Variants in CHSY1 observed in about 807,000 individuals in gnomAD.
CHSY1 encodes the protein N-acetylgalactosaminyl-proteoglycan 3-beta-glucuronosyltransferase 1.
Under a neutral mutation model 59.8 loss-of-function variants are expected in CHSY1, and 13 were observed. The observed-to-expected ratio is 0.22, with a 90% CI of 0.14 to 0.35. The LOEUF (loss-of-function observed/expected upper bound fraction) is 0.35, where lower values mean the gene tolerates loss of function less well. Ranked by LOEUF, CHSY1 falls within the 10% of genes least tolerant of loss-of-function variation. The pLI is 1.00. For missense variants in CHSY1, 947 were observed against 1,030.6 expected (o/e 0.92, Z 1.11); for synonymous variants, 459 against 401.2 (o/e 1.14, Z -1.72).
intron 1 of CHSY1, among the ~76,000 whole-genome samples, chr15:101,245,093 G>T (rs142146471): frequency 6.6e-6 from 1 of 152,240 alleles, no homozygotes; most frequent in East Asian, 1.9e-4. Flanking sequence ...CAGCAACACC[G>T]CTGGGCTGAT....
intron 2 of CHSY1, among the ~76,000 whole-genome samples, chr15:101,193,828 G>A (rs1435700641): frequency 6.6e-6 from 1 of 152,172 alleles, no homozygotes; most frequent in South Asian, 2.1e-4. Context: ...GCATCTTCAC[G>A]CTCCTTCCTT....
chr15:101,193,222 A>C (rs569981729), intron 2 of CHSY1, among the ~76,000 whole-genome samples: 4 of 152,238 alleles, frequency 2.6e-5, no homozygotes, highest in African/African-American at 7.2e-5. Flanking sequence ...AGCAGGCAAC[A>C]AACAAGGAGT....
Position 101,243,841 on chromosome 15 carries a change from C to T in CHSY1, c.320+7296G>A, listed in dbSNP as rs559555305. Among the ~76,000 whole-genome samples the T allele has an allele frequency of 2.6e-5, 4 of 152,306 alleles. No individual in the cohort carries two copies. The East Asian group carries it at 5.8e-4, about 22-fold the overall frequency. On this transcript the variant is annotated intron_variant, in intron 1 of 2. Transcript: ENST00000254190. ...CACATTCTGTGTCTGGATCCGTGTG[C>T]GCCTCTAAATTGTGCCCAATTACCT...
rs546349346 is a variant in CHSY1, at chr15:101,235,250, C to G, written c.648G>C (p.Glu216Asp). 2 of 1,614,198 alleles carry G rather than the reference C, an allele frequency of 1.2e-6. No individual in the cohort carries two copies. Among genetic ancestry groups the G allele is most frequent in the African/African-American group, 2.7e-5 (2 of 75,036 alleles). Reference sequence around the variant, plus strand: ...CGCCAGGCCCCCCCATGCAGAAGTTCTCACCAGGCTCCAGGGCCAGTTTTC... The same window carrying G: ...CGCCAGGCCCCCCCATGCAGAAGTTGTCACCAGGCTCCAGGGCCAGTTTTC... ...EMGKLALEPG[E>D]NFCMGGPGVI... The change falls in exon 2 of 3, where the codon GAG becomes GAC. Residue 216 changes from glutamate to aspartate, a missense_variant. Glu to Asp is a conservative substitution (Grantham distance 45). Around this residue, in one of 4 missense-constraint regions of CHSY1, gnomAD observed 108 missense variants for 144.4 expected, o/e 0.75. Coordinates refer to ENST00000254190, the MANE Select transcript of CHSY1 (RefSeq NM_014918.5).
chr15:101,199,880 G>A (rs902007967), intron 2 of CHSY1, among the ~76,000 whole-genome samples: 4 of 152,092 alleles, frequency 2.6e-5, no homozygotes, highest in Non-Finnish European at 4.4e-5. Context: ...CCAAAACCAC[G>A]AACAGCAGCG....
chr15:101,250,599 G>C (rs974905118), intron 1 of CHSY1, among the ~76,000 whole-genome samples: 2 of 152,220 alleles, frequency 1.3e-5, no homozygotes, highest in African/African-American at 4.8e-5. Context: ...TCAACAGACT[G>C]GTGTGGTCCA....
intron 1 of CHSY1, among the ~76,000 whole-genome samples, chr15:101,236,142 C>T (rs914978372): frequency 6.6e-6 from 1 of 152,132 alleles, no homozygotes; most frequent in Non-Finnish European, 1.5e-5. Flanking sequence ...AGGACATGAG[C>T]TGAACCAACA....
chr15:101,178,945 G>A lies in CHSY1; in HGVS notation c.852C>T (p.Asn284=). ...QQLFYENYEQ[N]KKGYIRDLHN... Reference sequence around the variant, plus strand: ...GGAGATCTCTAATGTACCCCTTTTTGTTCTGCTCGTAATTCTCATAAAAAA... The same window carrying A: ...GGAGATCTCTAATGTACCCCTTTTTATTCTGCTCGTAATTCTCATAAAAAA... Residue 284 remains asparagine, a synonymous_variant, in exon 3 of 3, where the codon AAC becomes AAT. Coordinates refer to ENST00000254190, the MANE Select transcript of CHSY1 (RefSeq NM_014918.5). 4 of 1,613,774 alleles carry A rather than the reference G, an allele frequency of 2.5e-6. No individual in the cohort carries two copies. The highest frequency in any genetic ancestry group is 2.5e-6 in the Non-Finnish European group (3 of 1,179,886).
chr15:101,207,085 G>GA lies in CHSY1; in HGVS notation c.816+27996dup, dbSNP rs551350811. ...AGGAAACAAACAAAACCTAAAAGGGGAAAAATCCTACTAAGATAACTGAAA... is the reference window on the plus strand; with the variant it reads ...AGGAAACAAACAAAACCTAAAAGGGGAAAAAATCCTACTAAGATAACTGAAA... On this transcript the variant is annotated intron_variant, in intron 2 of 2. Coordinates refer to ENST00000254190, the MANE Select transcript of CHSY1 (RefSeq NM_014918.5). 1.0e-3 allele frequency among the ~76,000 whole-genome samples: 158 copies of GA among 152,118 alleles called. 2 individuals carry two copies. In the East Asian group the frequency reaches 0.027, roughly 26 times the overall value.
intron 2 of CHSY1, 71 bp from the exon 3 acceptor site, chr15:101,179,051 A>G: frequency 6.8e-7 from 1 of 1,463,908 alleles, no homozygotes; most frequent in Admixed American, 1.7e-5. Flanking sequence ...GCTAAAGAAA[A>G]TGCAAATATT....
intron 2 of CHSY1, among the ~76,000 whole-genome samples, chr15:101,211,098 T>C (rs570141440): frequency 1.3e-5 from 2 of 152,056 alleles, no homozygotes; most frequent in African/African-American, 4.8e-5. Flanking sequence ...CTGAGGAGGG[T>C]GGATCACCTG....
At chr15:101,213,465 G>A (rs1381645227) in intron 2 of CHSY1, among the ~76,000 whole-genome samples, 1 of 152,178 alleles carries the variant, frequency 6.6e-6, no homozygotes, top group East Asian at 1.9e-4. Context: ...CAAATAATAA[G>A]TACGGTACAA....
chr15:101,215,945 T>C (rs1442814035), intron 2 of CHSY1, among the ~76,000 whole-genome samples: 1 of 152,198 alleles, frequency 6.6e-6, no homozygotes, highest in Non-Finnish European at 1.5e-5. Flanking sequence ...CTGAGGCACA[T>C]GAACAATCAT....
In CHSY1 at chr15:101,178,587, C is replaced by A. The variant is rs1384151520; in HGVS notation, c.1210G>T (p.Ala404Ser). The stretch of plus-strand genomic sequence containing the variant: ...ACCTGCATGACAATGTCGTCCAAGG[C>A]TTCCCTCTGGGCGGAGTCCATTCCT... The part of the protein sequence containing the change: ...RRGMDSAQRE[A>S]LDDIVMQVME... Residue 404 changes from alanine (A) to serine (S), a missense_variant, in exon 3 of 3, where the codon GCC becomes TCC. Physicochemically the swap from Ala to Ser is moderately conservative, Grantham distance 99 (BLOSUM62 1). Coordinates refer to ENST00000254190, the MANE Select transcript of CHSY1 (RefSeq NM_014918.5). 1.2e-6 allele frequency: 2 copies of A among 1,614,236 alleles called. No individual in the cohort carries two copies. The highest frequency in any genetic ancestry group is 2.2e-5 in the East Asian group (1 of 44,890).
At chr15:101,208,268 G>T (rs1170209437) in intron 2 of CHSY1, among the ~76,000 whole-genome samples, 2 of 152,126 alleles carry the variant, frequency 1.3e-5, no homozygotes, top group Admixed American at 1.3e-4. Context: ...CCACAGTCTA[G>T]ATCTTGGCTT....
Position 101,178,813 on chromosome 15 carries a change from G to T in CHSY1, c.984C>A (p.Arg328=). 1 of 1,614,204 alleles carries T rather than the reference G, an allele frequency of 6.2e-7. No individual in the cohort carries two copies. The highest frequency in any genetic ancestry group is 8.5e-7 in the Non-Finnish European group (1 of 1,180,034). ...YMLSRKISEL[R]HRTIQLHREI... ...CGCGGTGCAGCTGTATTGTGCGATGGCGGAGCTCGGATATCTTGCGGCTCA... is the reference window on the plus strand; with the variant it reads ...CGCGGTGCAGCTGTATTGTGCGATGTCGGAGCTCGGATATCTTGCGGCTCA... Residue 328 remains arginine (R), a synonymous_variant, in exon 3 of 3, where the codon CGC becomes CGA. Coordinates refer to ENST00000254190, the MANE Select transcript of CHSY1 (RefSeq NM_014918.5).
chr15:101,200,641 G>C (rs2038563707), intron 2 of CHSY1, among the ~76,000 whole-genome samples: 1 of 152,154 alleles, frequency 6.6e-6, no homozygotes, highest in Non-Finnish European at 1.5e-5. Flanking sequence ...CAGCTCCCGA[G>C]TCTCTCCGAT....
intron 2 of CHSY1, among the ~76,000 whole-genome samples, chr15:101,215,503 T>G (rs910403340): frequency 3.7e-4 from 57 of 152,216 alleles, no homozygotes; most frequent in Non-Finnish European, 6.9e-4. Context: ...AGGAGGCCAA[T>G]GTGGGTGGAT....
intron 2 of CHSY1, among the ~76,000 whole-genome samples, chr15:101,185,916 C>T (rs2038356423): frequency 1.3e-5 from 2 of 151,862 alleles, no homozygotes; most frequent in South Asian, 4.1e-4. Context: ...CATCTCCCTG[C>T]TTTCCCTCAT....
Sources: allele counts gnomAD v4.1 joint callset (sites outside exome capture counted in the v4.1 genomes callset), GRCh38; gene constraint gnomAD v4.1.1; regional missense constraint gnomAD v4.1.1; transcripts MANE v1.5; gene names NCBI Gene and HGNC (gene_info 2026-07-23, HGNC 2026-07-21).